Variants in ADGRB1 observed in about 807,000 individuals in gnomAD.
The protein encoded by ADGRB1 is brain-specific angiogenesis inhibitor 1.
ADGRB1 carries 36 observed loss-of-function variants against 175.7 expected under a neutral mutation model. The ratio of observed to expected loss-of-function variants is 0.20; its 90% CI spans 0.16 to 0.27. The LOEUF is 0.27. Ranked by LOEUF, ADGRB1 falls within the 10% of genes least tolerant of loss-of-function variation. The pLI is 1.00. For synonymous variants in ADGRB1, 1,054 were observed against 979.4 expected, an observed-to-expected ratio of 1.08 and a Z score of -1.42; for missense variants, 1,731 against 2,255.3, an observed-to-expected ratio of 0.77 and a Z score of 4.71.
intron 3 of ADGRB1, 92 bp from the exon 4 acceptor site, chr8:142,476,492 GC>G (rs1840981683): frequency 8.7e-7 from 1 of 1,149,846 alleles, no homozygotes; most frequent in African/African-American, 1.5e-5. Flanking sequence ...GAGCCAGGTG[GC>G]CCAGTGCTGC....
In ADGRB1 at chr8:142,484,016, A is replaced by G; in HGVS notation, c.2170A>G (p.Asn724Asp). 6.2e-7 allele frequency: 1 copy of G among 1,613,036 alleles called. No homozygotes were observed. The highest frequency in any genetic ancestry group is 8.5e-7 in the Non-Finnish European group (1 of 1,179,502). ...CCTTAGCAACCTGTTGGCAGAGGAG[A>G]ATCGGGACAAGTGGGAGGAGGCCCA... ...QILSNLLAEE[N>D]RDKWEEAQLA... Residue 724 changes from asparagine (N) to aspartate (D), a missense_variant, in exon 12 of 31, where the codon AAT (asparagine) becomes GAT (aspartate). This residue lies in a region of ADGRB1 where 388 missense variants were observed against 630.9 expected (regional missense o/e 0.61). Transcript: ENST00000517894.
At chr8:142,486,047 T>A (rs1443082661) in intron 13 of ADGRB1, among the ~76,000 whole-genome samples, 1 of 152,198 alleles carries the variant, frequency 6.6e-6, no homozygotes, top group South Asian at 2.1e-4. Context: ...CATTAGCAGA[T>A]GAAATTGGGG....
rs1291180702 is a variant in ADGRB1, at chr8:142,544,467, C to T, written c.*50C>T. On this transcript the variant is annotated 3_prime_UTR_variant, in exon 31 of 31. Coordinates refer to ENST00000517894, the MANE Select transcript of ADGRB1 (RefSeq NM_001702.3). Reference sequence around the variant, plus strand: ...GGGCCACGGAGGAGGGATGCTGCTCCGCCCGCTCCTGCCGCAGACGGGCAC... The same window carrying T: ...GGGCCACGGAGGAGGGATGCTGCTCTGCCCGCTCCTGCCGCAGACGGGCAC... 4.9e-6 allele frequency: 7 copies of T among 1,420,392 alleles called. No individual in the cohort carries two copies. Among genetic ancestry groups the T allele is most frequent in the South Asian group, 4.5e-5 (3 of 67,334 alleles). 88.0% of individuals were successfully genotyped at this position (1,420,392 alleles called of 1,614,324 possible).
Position 142,542,611 on chromosome 8 carries a change from C to T in ADGRB1, c.4377C>T (p.Asn1459=), listed in dbSNP as rs765210709. ...PGPSTGPSTK[N]ENVATLSVSS... The stretch of plus-strand genomic sequence containing the variant: ...CCAGCACGGGGCCCAGCACCAAGAA[C>T]GAGAATGTCGCCACCTTGTCTGTGA... The change falls in exon 28 of 31, where the codon AAC becomes AAT. Residue 1459 remains asparagine (N), a synonymous_variant. Coordinates refer to ENST00000517894, the MANE Select transcript of ADGRB1 (RefSeq NM_001702.3). The surrounding 1 kb of genome is among the most constrained non-coding windows in gnomAD (Gnocchi z 6.3). The T allele has an allele frequency of 2.3e-5, 35 of 1,551,722 alleles. No homozygotes were observed. The highest frequency in any genetic ancestry group is 6.9e-5 in the African/African-American group (5 of 72,364).
At chr8:142,518,322 G>GCACCCACGACCCCGC in intron 19 of ADGRB1, 81 bp downstream of exon 19, 2 of 1,458,770 alleles carry the variant, frequency 1.4e-6, no homozygotes, top group Non-Finnish European at 1.9e-6. Context: ...CACGGGCGGG[G>GCACCCACGACCCCGC]TCGTGGGTGC....
intron 1 of ADGRB1, among the ~76,000 whole-genome samples, chr8:142,450,666 G>A (rs1839293564): frequency 6.6e-6 from 1 of 152,102 alleles, no homozygotes; most frequent in African/African-American, 2.4e-5. Flanking sequence ...AGAGCTCGGG[G>A]CAGGCAGGAG....
At chr8:142,478,977 TG>T (rs1841174238) in intron 7 of ADGRB1, 1 of 225,306 alleles carries the variant, frequency 4.4e-6, no homozygotes, top group African/African-American at 2.9e-5. Flanking sequence ...AAGCAGAGTG[TG>T]GGGTGGCCGT....
chr8:142,529,642 CTG>C (rs1329989919), intron 24 of ADGRB1, among the ~76,000 whole-genome samples: 2 of 149,620 alleles, frequency 1.3e-5, no homozygotes, highest in Admixed American at 6.6e-5. Flanking sequence ...GAGCATGCAT[CTG>C]TATATGCGTG....
Position 142,537,490 on chromosome 8 carries a change from G to C in ADGRB1, c.3666+408G>C, listed in dbSNP as rs1242016136. On this transcript the variant is annotated intron_variant, in intron 26 of 30. Coordinates refer to ENST00000517894, the MANE Select transcript of ADGRB1 (RefSeq NM_001702.3). The surrounding 1 kb of genome is among the most constrained non-coding windows in gnomAD (Gnocchi z 4.6). ...TGCTCAGCTGCCACCTAGGGGTCCA[G>C]CCTAGCCTGCCCATCCCCTCCCCCT... Among the ~76,000 whole-genome samples the C allele has an allele frequency of 2.0e-5, 3 of 151,894 alleles. No individual in the cohort carries two copies. The highest frequency in any genetic ancestry group is 7.3e-5 in the African/African-American group (3 of 41,332).
chr8:142,533,584 C>A, intron 25 of ADGRB1, 118 bp downstream of exon 25: 1 of 1,225,576 alleles, frequency 8.2e-7, no homozygotes, highest in East Asian at 2.5e-5. Flanking sequence ...GCATCCATGA[C>A]CCTGACACAT....
chr8:142,482,961 C>T (rs552667798), intron 11 of ADGRB1, among the ~76,000 whole-genome samples: 8 of 145,660 alleles, frequency 5.5e-5, no homozygotes, highest in Non-Finnish European at 1.1e-4. Flanking sequence ...GAGCCCTGAC[C>T]CTGGTCACAC....
chr8:142,519,026 C>G (rs536890736), intron 19 of ADGRB1, among the ~76,000 whole-genome samples: 1 of 152,216 alleles, frequency 6.6e-6, no homozygotes, highest in East Asian at 1.9e-4. Context: ...CGAGCTTTCC[C>G]GGAGACAGTG....
chr8:142,479,613 C>T, intron 8 of ADGRB1, 80 bp from the exon 9 acceptor site: 1 of 1,542,798 alleles, frequency 6.5e-7, no homozygotes, highest in Non-Finnish European at 8.8e-7. Context: ...GATGCCTGCT[C>T]CAGGCGCCTT....
At chr8:142,505,587 G>A (rs1463694776) in intron 17 of ADGRB1, among the ~76,000 whole-genome samples, 3 of 152,208 alleles carry the variant, frequency 2.0e-5, no homozygotes, top group African/African-American at 4.8e-5. Flanking sequence ...GCTGGGAGCC[G>A]TGGTTACTGA....
rs527593931 is a variant in ADGRB1, at chr8:142,455,408, C to T, written c.-220+5304C>T. Among the ~76,000 whole-genome samples the T allele has an allele frequency of 9.9e-5, 15 of 152,224 alleles. No homozygotes were observed. The highest frequency in any genetic ancestry group is 2.0e-4 in the East Asian group (1 of 5,124). On this transcript the variant is annotated intron_variant, in intron 1 of 30. Coordinates refer to ENST00000517894, the MANE Select transcript of ADGRB1 (RefSeq NM_001702.3). This position sits in a 1 kb window ranked among gnomAD's most constrained non-coding sequence, Gnocchi z 4.9. ...TTCTCTCGGGCATCCCTCTCTGGGG[C>T]TTGGTCAGGGGAAGGGCACGACAGA...
At chr8:142,465,497 C>T (rs1300724561) in intron 2 of ADGRB1, among the ~76,000 whole-genome samples, 6 of 151,484 alleles carry the variant, frequency 4.0e-5, no homozygotes, top group Non-Finnish European at 7.4e-5. Flanking sequence ...TCTGTGGAGA[C>T]GTGGTCAGAT....
At chr8:142,530,456 G>C (rs191354050) in intron 24 of ADGRB1, among the ~76,000 whole-genome samples, 1 of 152,148 alleles carries the variant, frequency 6.6e-6, no homozygotes, top group Non-Finnish European at 1.5e-5. Flanking sequence ...CCAAGGTGAG[G>C]GTGGTGCGCC....
At chr8:142,465,998 C>T (rs1446315829) in intron 2 of ADGRB1, among the ~76,000 whole-genome samples, 3 of 152,172 alleles carry the variant, frequency 2.0e-5, no homozygotes, top group African/African-American at 7.2e-5. Context: ...CCCCGTGGGC[C>T]TCAGTGCAGG....
rs764047192 is a variant in ADGRB1 at position 142,543,455 on chromosome 8, C to T, written c.4449+17C>T. On this transcript the variant is annotated intron_variant, in intron 29 of 30. Transcript: ENST00000517894. The surrounding 1 kb of genome is among the most constrained non-coding windows in gnomAD (Gnocchi z 4.4). ...GACTTTGAGGTGAGTTCTGGTGTCC[C>T]CCCCCACCAGACACTTAGGGCCAGA... 6.8e-6 allele frequency: 11 copies of T among 1,613,418 alleles called. No individual in the cohort carries two copies. The highest frequency in any genetic ancestry group is 3.3e-5 in the South Asian group (3 of 91,030).
Sources: gnomAD v4.1 joint callset for allele counts (sites outside exome capture counted in the v4.1 genomes callset) on GRCh38, gnomAD v4.1.1 for gene constraint, gnomAD v4.1.1 regional missense constraint, Gnocchi (gnomAD v3.1) non-coding constraint, MANE v1.5 for transcripts, NCBI Gene and HGNC (gene_info 2026-07-23, HGNC 2026-07-21) for gene names.